ENDOD1: variants seen among roughly 807,000 people sequenced by gnomAD.
ENDOD1 encodes endonuclease domain containing 1, also known as endonuclease domain-containing 1 protein.
A neutral mutation model predicts 6.5 loss-of-function variants in ENDOD1; 9 were observed. The ratio of observed to expected loss-of-function variants is 1.39; its 90% CI spans 0.84 to 2.43. The LOEUF (loss-of-function observed/expected upper bound fraction) is 2.43. Ranked by LOEUF, ENDOD1 falls within the 30% of genes most tolerant of loss-of-function variation. The pLI is 0.00. For missense variants in ENDOD1, 648 were observed against 635.5 expected (o/e 1.02, Z -0.21); for synonymous variants, 255 against 255.2 (o/e 1.00, Z 0.01).
chr11:95,123,473 A>G (rs1859282141), intron 1 of ENDOD1, among the ~76,000 whole-genome samples: 1 of 151,970 alleles, frequency 6.6e-6, no homozygotes, highest in Admixed American at 6.6e-5. Context: ...GAGTCCCTGT[A>G]GCCCATTGTT....
At chr11:95,114,279 GCTAATTTTTTGTAGAGACGGGGTTTCA>G (rs1202611292) in intron 1 of ENDOD1, among the ~76,000 whole-genome samples, 1 of 151,788 alleles carries the variant, frequency 6.6e-6, no homozygotes, top group Non-Finnish European at 1.5e-5. Flanking sequence ...ACCATGCCTA[GCTAATTTTTTGTAGAGACGGGGTTTCA>G]CTATGTCGCC....
intron 1 of ENDOD1, among the ~76,000 whole-genome samples, chr11:95,106,392 G>A (rs778782462): frequency 3.4e-4 from 51 of 152,222 alleles, no homozygotes; most frequent in Admixed American, 1.5e-3. Context: ...ACATGGATGA[G>A]TGGGGGGATT....
chr11:95,110,284 G>A (rs1050103490), intron 1 of ENDOD1, among the ~76,000 whole-genome samples: 8 of 152,116 alleles, frequency 5.3e-5, no homozygotes, highest in Non-Finnish European at 1.2e-4. Context: ...CTCAGAAGAC[G>A]CTGACTCTTC....
intron 1 of ENDOD1, among the ~76,000 whole-genome samples, chr11:95,122,589 TACACAC>T (rs55940348): frequency 0.15 from 21,669 of 142,720 alleles, 1,691 homozygotes; most frequent in South Asian, 0.2. Flanking sequence ...GCATTTAAGT[TACACAC>T]ACACACACAC....
intron 1 of ENDOD1, among the ~76,000 whole-genome samples, chr11:95,097,082 G>T (rs1454064662): frequency 6.6e-6 from 1 of 151,596 alleles, no homozygotes; most frequent in African/African-American, 2.4e-5. Flanking sequence ...TTGGGCCTGG[G>T]AGGTAGAGGC....
rs1027336438 is a variant in ENDOD1 at position 95,130,417 on chromosome 11, T to A, written c.*838T>A. The A allele has an allele frequency of 1.3e-5, 2 of 152,168 alleles. No homozygotes were observed. The highest frequency in any genetic ancestry group is 4.8e-5 in the African/African-American group (2 of 41,436). 9.4% of individuals were successfully genotyped at this position (152,168 alleles called of 1,614,324 possible). A position where few individuals can be genotyped will look rare whatever the true frequency, so the allele number is the denominator to read the frequency against. ...GGACAGCCCTGCTCTTAGTAGGTGC[T>A]GCAGATCCAAGGACATCTTTTGTCC... is the stretch of plus-strand genomic sequence containing the variant. On this transcript the variant is annotated 3_prime_UTR_variant, in exon 2 of 2. Transcript: ENST00000278505.
Position 95,108,494 on chromosome 11 carries a change from A to AACACAC in ENDOD1, c.300+18295_300+18300dup, listed in dbSNP as rs34439162. 9.2e-4 allele frequency among the ~76,000 whole-genome samples: 135 copies of AACACAC among 146,504 alleles called. 1 individual carries two copies. Among genetic ancestry groups the AACACAC allele is most frequent in the African/African-American group, 2.9e-3 (112 of 39,202 alleles). ...AAAAGCTCTGCATTTCTCTTTTCTA[A>AACACAC]ACACACACACACACACACACACACA... On this transcript the variant is annotated intron_variant, in intron 1 of 1. Transcript: ENST00000278505.
chr11:95,107,844 A>G lies in ENDOD1; in HGVS notation c.300+17617A>G, dbSNP rs671667. Among the ~76,000 whole-genome samples the G allele has an allele frequency of 9.5e-4, 145 of 152,036 alleles. 2 individuals are homozygous for G. In the East Asian group the frequency reaches 0.015, roughly 16 times the overall value. ...CCCGGCTAATTTTTTTGTATTTTTC[A>G]TAGAGACGGGGTTTAGTAGAGACCG... is the stretch of plus-strand genomic sequence containing the variant. On this transcript the variant is annotated intron_variant, in intron 1 of 1. Coordinates refer to ENST00000278505, the MANE Select transcript of ENDOD1 (RefSeq NM_015036.3).
At chr11:95,117,114 A>C (rs1451325942) in intron 1 of ENDOD1, among the ~76,000 whole-genome samples, 1 of 152,214 alleles carries the variant, frequency 6.6e-6, no homozygotes, top group Non-Finnish European at 1.5e-5. Flanking sequence ...AGCTCTAATA[A>C]TATTTGCATT....
At chr11:95,116,874 G>T (rs1357427639) in intron 1 of ENDOD1, among the ~76,000 whole-genome samples, 1 of 152,072 alleles carries the variant, frequency 6.6e-6, no homozygotes, top group Non-Finnish European at 1.5e-5. Context: ...CAGTTTTTTT[G>T]AATGTTTTCA....
intron 1 of ENDOD1, among the ~76,000 whole-genome samples, chr11:95,096,227 CTTTTTTTTTTTTTTT>C (rs10660230): frequency 2.0e-5 from 1 of 49,964 alleles, no homozygotes; most frequent in East Asian, 6.8e-4. Context: ...GTCAAGAAAG[CTTTTTTTTTTTTTTT>C]TTTTTTTTTT....
In ENDOD1 at chr11:95,119,623, C is replaced by T. The variant is rs117078964; in HGVS notation, c.301-8754C>T. ...TGTGGTGGGTCAGACCTGAAGCCAGCACAGTACTTGGTTCATCCACAGCCT... is the reference window on the plus strand; with the variant it reads ...TGTGGTGGGTCAGACCTGAAGCCAGTACAGTACTTGGTTCATCCACAGCCT... On this transcript the variant is annotated intron_variant, in intron 1 of 1. Transcript: ENST00000278505. Among the ~76,000 whole-genome samples the T allele has an allele frequency of 9.3e-3, 1,418 of 152,340 alleles. 9 individuals are homozygous for T. Among genetic ancestry groups the T allele is most frequent in the Non-Finnish European group, 0.016 (1,117 of 68,034 alleles).
chr11:95,118,262 C>A (rs1401870715), intron 1 of ENDOD1, among the ~76,000 whole-genome samples: 1 of 152,136 alleles, frequency 6.6e-6, no homozygotes, highest in Non-Finnish European at 1.5e-5. Context: ...GAGTTTTGCA[C>A]CTTCAGATGA....
At chr11:95,116,899 C>T (rs190478928) in intron 1 of ENDOD1, among the ~76,000 whole-genome samples, 1 of 152,246 alleles carries the variant, frequency 6.6e-6, no homozygotes, top group Admixed American at 6.5e-5. Context: ...TGTTTTGCGA[C>T]CTATCACATG....
chr11:95,098,994 T>A lies in ENDOD1; in HGVS notation c.300+8767T>A, dbSNP rs141963896. ...ATTTACCAGGATTTTATAGAGGGTG[T>A]GTTTCTAGCTCTGGCAGTCACACGC... On this transcript the variant is annotated intron_variant, in intron 1 of 1. Transcript: ENST00000278505. Among the ~76,000 whole-genome samples, 449 of 152,258 alleles carry A rather than the reference T, an allele frequency of 2.9e-3. 2 individuals are homozygous for A. Among genetic ancestry groups the A allele is most frequent in the African/African-American group, 0.01 (424 of 41,540 alleles).
intron 1 of ENDOD1, among the ~76,000 whole-genome samples, chr11:95,092,871 A>G (rs1858944434): frequency 6.6e-6 from 1 of 152,192 alleles, no homozygotes; most frequent in Admixed American, 6.5e-5. Context: ...GCATTTTATA[A>G]TGCTGAGTCT....
intron 1 of ENDOD1, among the ~76,000 whole-genome samples, chr11:95,097,492 CG>C: frequency 6.6e-6 from 1 of 152,124 alleles, no homozygotes; most frequent in Non-Finnish European, 1.5e-5. Flanking sequence ...GGGAAGGAGA[CG>C]GCAGATCATT....
chr11:95,108,710 A>T (rs757190199), intron 1 of ENDOD1, among the ~76,000 whole-genome samples: 1 of 152,008 alleles, frequency 6.6e-6, no homozygotes, highest in Non-Finnish European at 1.5e-5. Context: ...ATTCCTCCTC[A>T]AATGTCCTTA....
chr11:95,127,848 C>T (rs1354957710), intron 1 of ENDOD1, among the ~76,000 whole-genome samples: 8 of 152,094 alleles, frequency 5.3e-5, no homozygotes, highest in Admixed American at 5.2e-4. Context: ...CAACCTCTGC[C>T]TCCCCGGTTC....
Sources: gnomAD v4.1 joint callset for allele counts (sites outside exome capture counted in the v4.1 genomes callset) on GRCh38, gnomAD v4.1.1 for gene constraint, MANE v1.5 for transcripts, NCBI Gene and HGNC (gene_info 2026-07-23, HGNC 2026-07-21) for gene names.